PTGFR: variants seen among roughly 807,000 people sequenced by gnomAD.
PTGFR encodes prostaglandin F2-alpha receptor.
Under a neutral mutation model 26.2 loss-of-function variants are expected in PTGFR, and 15 were observed. That is an observed-to-expected ratio of 0.57 (90% CI 0.38 to 0.88). PTGFR has a LOEUF of 0.88. PTGFR is among the 40% of genes least tolerant of loss of function. The probability of loss-of-function intolerance (pLI) is 0.00; values close to 1 mark genes in which losing one functional copy is unlikely to be tolerated. For synonymous variants in PTGFR, 165 were observed against 151.1 expected (o/e 1.09, Z -0.68); for missense variants, 369 against 427.2 (o/e 0.86, Z 1.20).
At chr1:78,500,415 T>C (rs1446364630) in intron 2 of PTGFR, among the ~76,000 whole-genome samples, 1 of 152,250 alleles carries the variant, frequency 6.6e-6, no homozygotes, top group Non-Finnish European at 1.5e-5. Flanking sequence ...AGTAGCTGCT[T>C]TGTCCAAGAT....
intron 2 of PTGFR, among the ~76,000 whole-genome samples, chr1:78,515,216 G>A (rs185048647): frequency 2.0e-5 from 3 of 152,260 alleles, no homozygotes; most frequent in Admixed American, 2.0e-4. Flanking sequence ...AAACAGTCAG[G>A]AGGCTTCTTT....
chr1:78,522,309 G>A (rs934544473), intron 2 of PTGFR, among the ~76,000 whole-genome samples: 2 of 151,978 alleles, frequency 1.3e-5, no homozygotes, highest in African/African-American at 4.8e-5. Context: ...GGACTCATGT[G>A]ATTAAATTAG....
At chr1:78,507,942 A>T (rs1649865642) in intron 2 of PTGFR, among the ~76,000 whole-genome samples, 1 of 152,200 alleles carries the variant, frequency 6.6e-6, no homozygotes, top group South Asian at 2.1e-4. Flanking sequence ...ACTTTATTCT[A>T]TTTTGTTTTC....
intron 2 of PTGFR, among the ~76,000 whole-genome samples, chr1:78,511,410 T>A (rs1649967175): frequency 6.6e-6 from 1 of 152,208 alleles, no homozygotes; most frequent in Non-Finnish European, 1.5e-5. Flanking sequence ...TGCCAAGGCT[T>A]ATGGCTCGTG....
intron 2 of PTGFR, among the ~76,000 whole-genome samples, chr1:78,522,608 TG>T (rs1282242196): frequency 1.3e-5 from 2 of 152,136 alleles, no homozygotes; most frequent in Non-Finnish European, 2.9e-5. Context: ...TGTTCTGTTT[TG>T]TTTTGTTTTA....
intron 2 of PTGFR, among the ~76,000 whole-genome samples, chr1:78,503,275 A>G (rs550885722): frequency 1.3e-5 from 2 of 152,264 alleles, no homozygotes; most frequent in African/African-American, 4.8e-5. Flanking sequence ...AGTATTTTAT[A>G]CTATCTTTTG....
chr1:78,496,162 T>G (rs1251239182), intron 2 of PTGFR, among the ~76,000 whole-genome samples: 1 of 152,216 alleles, frequency 6.6e-6, no homozygotes, highest in Non-Finnish European at 1.5e-5. Context: ...CCTTGGGGAT[T>G]AAGTTAGGGT....
At chr1:78,532,087 C>G (rs1351844428) in intron 2 of PTGFR, 6 of 320,200 alleles carry the variant, frequency 1.9e-5, no homozygotes, top group African/African-American at 4.6e-5. Context: ...GGGCAGGGAA[C>G]ATGGCATGTT....
intron 2 of PTGFR, among the ~76,000 whole-genome samples, chr1:78,518,063 C>T (rs367723676): frequency 6.6e-6 from 1 of 152,092 alleles, no homozygotes; most frequent in Admixed American, 6.6e-5. Context: ...ACCACCATGG[C>T]ACATGTACAC....
intron 1 of PTGFR, among the ~76,000 whole-genome samples, chr1:78,492,161 C>T (rs549934323): frequency 2.0e-5 from 3 of 152,296 alleles, no homozygotes; most frequent in South Asian, 2.1e-4. Flanking sequence ...CATTTAACAT[C>T]AATGAACTTG....
At chr1:78,535,051 A>G (rs960941517) in intron 2 of PTGFR, among the ~76,000 whole-genome samples, 18 of 152,178 alleles carry the variant, frequency 1.2e-4, no homozygotes, top group African/African-American at 4.1e-4. Flanking sequence ...GTGCTTGGGC[A>G]GTGCCCTAGT....
intron 2 of PTGFR, among the ~76,000 whole-genome samples, chr1:78,507,947 G>C: frequency 6.6e-6 from 1 of 152,072 alleles, no homozygotes; most frequent in East Asian, 1.9e-4. Context: ...ATTCTATTTT[G>C]TTTTCTTCAT....
At chr1:78,509,050 C>T (rs77853686) in intron 2 of PTGFR, among the ~76,000 whole-genome samples, 4 of 152,076 alleles carry the variant, frequency 2.6e-5, no homozygotes, top group African/African-American at 9.7e-5. Context: ...CATTCTGTCT[C>T]ATGCTTGCAG....
chr1:78,508,321 A>G (rs1204312082), intron 2 of PTGFR, among the ~76,000 whole-genome samples: 1 of 152,132 alleles, frequency 6.6e-6, no homozygotes. Context: ...TGCATTCTTT[A>G]TGTTTTGAAA....
intron 2 of PTGFR, among the ~76,000 whole-genome samples, chr1:78,529,432 A>T (rs2100396622): frequency 6.6e-6 from 1 of 152,322 alleles, no homozygotes; most frequent in South Asian, 2.1e-4. Flanking sequence ...TATTTGGAGC[A>T]TAACTAATAT....
intron 2 of PTGFR, among the ~76,000 whole-genome samples, chr1:78,526,966 TAGTC>T (rs1457566245): frequency 6.6e-6 from 1 of 152,118 alleles, no homozygotes; most frequent in Non-Finnish European, 1.5e-5. Context: ...GGATAGATGA[TAGTC>T]AGCAGGCTGA....
At chr1:78,532,390 A>ATATATATATATGTATG in intron 2 of PTGFR, 1 of 132,074 alleles carries the variant, frequency 7.6e-6, no homozygotes, top group South Asian at 3.0e-4. Context: ...ATATATATAT[A>ATATATATATATGTATG]TATATATGTA....
In PTGFR at chr1:78,538,948, A is replaced by G. The variant is rs1650726351; in HGVS notation, c.*2261A>G. 1 of 152,070 alleles carries G rather than the reference A, an allele frequency of 6.6e-6. No individual in the cohort carries two copies. The highest frequency in any genetic ancestry group is 6.6e-5 in the Admixed American group (1 of 15,240). 9.4% of individuals were successfully genotyped at this position (152,070 alleles called of 1,614,324 possible). A position where few individuals can be genotyped will look rare whatever the true frequency, so the allele number is the denominator to read the frequency against. On this transcript the variant is annotated 3_prime_UTR_variant, in exon 3 of 3. Coordinates refer to ENST00000370757, the MANE Select transcript of PTGFR (RefSeq NM_000959.4). Reference sequence around the variant, plus strand: ...AAACATGATTTCTCGGTAATTATATATTCTGGGCAAATAACATAAACATGT... The same window carrying G: ...AAACATGATTTCTCGGTAATTATATGTTCTGGGCAAATAACATAAACATGT...
chr1:78,539,457 G>T lies in PTGFR; in HGVS notation c.*2770G>T, dbSNP rs569739420. 1 of 152,520 alleles carries T rather than the reference G, an allele frequency of 6.6e-6. No homozygotes were observed. Among genetic ancestry groups the T allele is most frequent in the Admixed American group, 6.6e-5 (1 of 15,250 alleles). The allele number at this position is 152,520 out of a possible 1,614,324, so 9.4% of individuals were successfully genotyped here. On this transcript the variant is annotated 3_prime_UTR_variant, in exon 3 of 3. Transcript: ENST00000370757. ...TGTTTTGGGTCAGAATATAAATGCT[G>T]GGAATATACATTTTATTACTTCTTA... is the stretch of plus-strand genomic sequence containing the variant.
Sources: gnomAD v4.1 joint callset for allele counts (sites outside exome capture counted in the v4.1 genomes callset) on GRCh38, gnomAD v4.1.1 for gene constraint, MANE v1.5 for transcripts, NCBI Gene and HGNC (gene_info 2026-07-23, HGNC 2026-07-21) for gene names.